HDAC2: variants seen among roughly 807,000 people sequenced by gnomAD.
The protein encoded by HDAC2 is YY1-associated factor 1.
HDAC2 carries 5 observed loss-of-function variants against 68.5 expected under a neutral mutation model. That is an observed-to-expected ratio of 0.07 (90% CI 0.04 to 0.15). The LOEUF (loss-of-function observed/expected upper bound fraction) is 0.15, where lower values mean the gene tolerates loss of function less well. Among genes scored for constraint, HDAC2 ranks in the 10% least tolerant of loss-of-function variants. The pLI is 1.00. For synonymous variants in HDAC2, 182 were observed against 191.3 expected (o/e 0.95, Z 0.40); for missense variants, 291 against 600.8 (o/e 0.48, Z 5.39).
chr6:113,952,842 GA>G (rs944849637), intron 6 of HDAC2, among the ~76,000 whole-genome samples: 1 of 150,346 alleles, frequency 6.7e-6, no homozygotes, highest in Non-Finnish European at 1.5e-5. Context: ...GAAGCTTAAA[GA>G]AAAAAAAAGA....
At chr6:113,967,763 T>C (rs1308604736) in intron 1 of HDAC2, among the ~76,000 whole-genome samples, 4 of 152,320 alleles carry the variant, frequency 2.6e-5, no homozygotes, top group African/African-American at 9.6e-5. Flanking sequence ...AAAAATCACA[T>C]CGTTTTAAGG....
At chr6:113,945,643 CATCT>C in intron 9 of HDAC2, among the ~76,000 whole-genome samples, 173 bp from the exon 10 acceptor site, 1 of 152,196 alleles carries the variant, frequency 6.6e-6, no homozygotes, top group Non-Finnish European at 1.5e-5. Context: ...ATCATTCATC[CATCT>C]ATTTCTATAT....
chr6:113,958,552 C>A (rs1028531186), intron 3 of HDAC2, 97 bp downstream of exon 3: 2 of 663,970 alleles, frequency 3.0e-6, no homozygotes, highest in Admixed American at 2.7e-5. Context: ...ACATATTAGA[C>A]CAACAGGAAA....
Position 113,970,989 on chromosome 6 carries a change from AGAGAAAAGG to A in HDAC2, c.-90_-82del. On this transcript the variant is annotated 5_prime_UTR_variant, in exon 1 of 14. Transcript: ENST00000519065. The stretch of plus-strand genomic sequence containing the variant: ...CTGCTGCCGCCGCGGCTCGGCCGGG[AGAGAAAAGG>A]GCTGAGGGAAACGTGGGGGCGATAG... 1.3e-6 allele frequency: 2 copies of A among 1,570,100 alleles called. No individual in the cohort carries two copies. Among genetic ancestry groups the A allele is most frequent in the Non-Finnish European group, 1.7e-6 (2 of 1,158,392 alleles).
At chr6:113,960,048 TAC>T (rs760411499) in intron 1 of HDAC2, 30 bp from the exon 2 acceptor site, 1 of 1,047,644 alleles carries the variant, frequency 9.5e-7, no homozygotes, top group African/African-American at 1.6e-5. Context: ...AACTAAACAA[TAC>T]AGACAAGAGA....
chr6:113,953,265 A>G lies in HDAC2; in HGVS notation c.639+12T>C. The stretch of plus-strand genomic sequence containing the variant: ...ATCTCACAATATTTTTTCAGACAGA[A>G]TTTAGTCTTACCCTCAAGTCTCCTG... On this transcript the variant is annotated intron_variant, in intron 6 of 13. Coordinates refer to ENST00000519065, the MANE Select transcript of HDAC2 (RefSeq NM_001527.4). The G allele has an allele frequency of 6.3e-7, 1 of 1,598,680 alleles. No individual in the cohort carries two copies. Among genetic ancestry groups the G allele is most frequent in the Non-Finnish European group, 8.6e-7 (1 of 1,168,722 alleles).
At position 113,938,152 on chromosome 6, in the gene HDAC2, G is replaced by T. The variant is rs1276678563; in HGVS notation, c.*2906C>A. ...ACAGCGAGACTCCGTCTCAAAAAAAGAAAAAATAAATAAACATAATAGGTT... is the reference window on the plus strand; with the variant it reads ...ACAGCGAGACTCCGTCTCAAAAAAATAAAAAATAAATAAACATAATAGGTT... On this transcript the variant is annotated 3_prime_UTR_variant, in exon 14 of 14. Transcript: ENST00000519065. The T allele has an allele frequency of 1.3e-5, 2 of 151,994 alleles. No homozygotes were observed. Among genetic ancestry groups the T allele is most frequent in the Admixed American group, 1.3e-4 (2 of 15,268 alleles). The allele number at this position is 151,994 out of a possible 1,614,324, so 9.4% of individuals were successfully genotyped here.
At chr6:113,959,067 C>T (rs1017022117) in intron 2 of HDAC2, among the ~76,000 whole-genome samples, 1 of 152,064 alleles carries the variant, frequency 6.6e-6, no homozygotes, top group South Asian at 2.1e-4. Flanking sequence ...ATAAACTCTA[C>T]TTTCTCTCCT....
chr6:113,940,173 G>A lies in HDAC2; in HGVS notation c.*885C>T, dbSNP rs1014930283. 4 of 152,146 alleles carry A rather than the reference G, an allele frequency of 2.6e-5. No individual in the cohort carries two copies. The highest frequency in any genetic ancestry group is 9.7e-5 in the African/African-American group (4 of 41,436). 9.4% of individuals were successfully genotyped at this position (152,146 alleles called of 1,614,324 possible). A position where few individuals can be genotyped will look rare whatever the true frequency, so the allele number is the denominator to read the frequency against. ...CACTCCTACAGTCTTAAAATGGGCA[G>A]ACACACAATAAGTAGTTGCTGAATG... On this transcript the variant is annotated 3_prime_UTR_variant, in exon 14 of 14. Coordinates refer to ENST00000519065, the MANE Select transcript of HDAC2 (RefSeq NM_001527.4).
chr6:113,945,899 T>C (rs895990566), intron 9 of HDAC2, 109 bp downstream of exon 9: 90 of 855,298 alleles, frequency 1.1e-4, no homozygotes, highest in Non-Finnish European at 3.2e-5. Context: ...TTTCTACTTA[T>C]CATACTTTCA....
chr6:113,940,841 C>G lies in HDAC2; in HGVS notation c.*217G>C. 2.3e-6 allele frequency: 1 copy of G among 429,946 alleles called. No homozygotes were observed. The highest frequency in any genetic ancestry group is 4.1e-6 in the Non-Finnish European group (1 of 242,506). 26.6% of individuals were successfully genotyped at this position (429,946 alleles called of 1,614,324 possible). ...AACTCACATCAATTTTAAATACTAT[C>G]ACATAAAGCATGGTGGAGAAAAGAA... On this transcript the variant is annotated 3_prime_UTR_variant, in exon 14 of 14. Transcript: ENST00000519065.
intron 1 of HDAC2, among the ~76,000 whole-genome samples, chr6:113,965,820 G>C (rs1776800963): frequency 6.6e-6 from 1 of 152,188 alleles, no homozygotes; most frequent in Non-Finnish European, 1.5e-5. Context: ...TAAGCAGACT[G>C]CTACTGAAAT....
At chr6:113,960,122 AAATTT>A (rs1398077881) in intron 1 of HDAC2, 104 bp from the exon 2 acceptor site, 1 of 684,636 alleles carries the variant, frequency 1.5e-6, no homozygotes, top group Admixed American at 2.7e-5. Flanking sequence ...CTACTTAACA[AAATTT>A]ATTTAAAACC....
intron 10 of HDAC2, among the ~76,000 whole-genome samples, chr6:113,945,024 A>C (rs950939053): frequency 6.6e-6 from 1 of 152,080 alleles, no homozygotes; most frequent in African/African-American, 2.4e-5. Context: ...ATTTCAACTA[A>C]TAAAAAAAAT....
intron 2 of HDAC2, 143 bp downstream of exon 2, chr6:113,959,763 T>C (rs920846667): frequency 7.0e-6 from 4 of 572,110 alleles, no homozygotes; most frequent in African/African-American, 3.8e-5. Flanking sequence ...CTCCTAAGAA[T>C]AAACGAAAAA....
rs543134497 is a variant in HDAC2 at position 113,938,331 on chromosome 6, T to A, written c.*2727A>T. On this transcript the variant is annotated 3_prime_UTR_variant, in exon 14 of 14. Transcript: ENST00000519065. Reference sequence around the variant, plus strand: ...CTACTATCTTTAGATATGAGCCTTTTGACCTGGATGAGTTACAAATCTGCC... The same window carrying A: ...CTACTATCTTTAGATATGAGCCTTTAGACCTGGATGAGTTACAAATCTGCC... 2 of 152,354 alleles carry A rather than the reference T, an allele frequency of 1.3e-5. No individual in the cohort carries two copies. The highest frequency in any genetic ancestry group is 4.8e-5 in the African/African-American group (2 of 41,584). The allele number at this position is 152,354 out of a possible 1,614,324, so 9.4% of individuals were successfully genotyped here.
chr6:113,971,142 G>A lies in HDAC2; in HGVS notation c.-234C>T, dbSNP rs1462133854. The A allele has an allele frequency of 5.2e-6, 8 of 1,539,772 alleles. No individual in the cohort carries two copies. Among genetic ancestry groups the A allele is most frequent in the South Asian group, 2.4e-5 (2 of 83,252 alleles). On this transcript the variant is annotated 5_prime_UTR_variant, in exon 1 of 14. Transcript: ENST00000519065. ...AGGTGGCAGCGGCACCAACTCGCGAGGAGGGGGCCACCAAACCACCTCAGG... is the reference window on the plus strand; with the variant it reads ...AGGTGGCAGCGGCACCAACTCGCGAAGAGGGGGCCACCAAACCACCTCAGG...
In HDAC2 at chr6:113,967,027, C is replaced by CA. The variant is rs1776839138; in HGVS notation, c.52+3829dup. Among the ~76,000 whole-genome samples, 4 of 152,282 alleles carry CA rather than the reference C, an allele frequency of 2.6e-5. No homozygotes were observed. The South Asian group carries it at 8.3e-4, about 32-fold the overall frequency. ...TGTAGTTGTATTAAAGGTTATTCAG[C>CA]AAAAGACTTTGGTACTACTCATAAA... On this transcript the variant is annotated intron_variant, in intron 1 of 13. Coordinates refer to ENST00000519065, the MANE Select transcript of HDAC2 (RefSeq NM_001527.4).
chr6:113,961,578 A>G (rs1212066229), intron 1 of HDAC2, among the ~76,000 whole-genome samples: 4 of 152,188 alleles, frequency 2.6e-5, no homozygotes, highest in Non-Finnish European at 4.4e-5. Flanking sequence ...AGAGGCTATG[A>G]TTGCAGAAAA....
Sources: allele counts gnomAD v4.1 joint callset (sites outside exome capture counted in the v4.1 genomes callset), GRCh38; gene constraint gnomAD v4.1.1; transcripts MANE v1.5; gene names NCBI Gene and HGNC (gene_info 2026-07-23, HGNC 2026-07-21).